The following RPTOR variants were observed in gnomAD, a reference collection of about 807,000 sequenced individuals.
RPTOR encodes the protein regulatory-associated protein of mTOR.
In RPTOR, 21 loss-of-function variants were observed where a neutral mutation model predicts 169.9. That is an observed-to-expected ratio of 0.12 (90% CI 0.09 to 0.18). The LOEUF (loss-of-function observed/expected upper bound fraction) is 0.18, where lower values mean the gene tolerates loss of function less well. Ranked by LOEUF, RPTOR falls within the 10% of genes least tolerant of loss-of-function variation. RPTOR has a pLI of 1.00. For missense variants in RPTOR, 1,133 were observed against 1,855.9 expected (o/e 0.61, Z 7.16); for synonymous variants, 732 against 753.2 (o/e 0.97, Z 0.46).
chr17:80,927,872 C>G (rs1051370445), intron 24 of RPTOR, among the ~76,000 whole-genome samples: 2 of 151,898 alleles, frequency 1.3e-5, no homozygotes, highest in Admixed American at 6.6e-5. Context: ...AATTCCCGCC[C>G]GCACGGAGGA....
intron 24 of RPTOR, among the ~76,000 whole-genome samples, chr17:80,934,660 A>G (rs2068935108): frequency 6.6e-6 from 1 of 152,172 alleles, no homozygotes; most frequent in Non-Finnish European, 1.5e-5. Flanking sequence ...AGCCAAGAAA[A>G]TGAGTTTTTA....
At chr17:80,816,723 G>T (rs1036394435) in intron 7 of RPTOR, among the ~76,000 whole-genome samples, 1 of 152,232 alleles carries the variant, frequency 6.6e-6, no homozygotes, top group Non-Finnish European at 1.5e-5. Context: ...TGGCTTGGAA[G>T]GGCGGTGAGG....
intron 31 of RPTOR, 175 bp downstream of exon 31, chr17:80,961,655 G>T: frequency 1.4e-6 from 1 of 709,968 alleles, no homozygotes; most frequent in Non-Finnish European, 2.2e-6. Context: ...GGGCCCAGGG[G>T]CCACAGCTGC....
chr17:80,866,967 G>A (rs2067999758), intron 13 of RPTOR, among the ~76,000 whole-genome samples: 1 of 152,138 alleles, frequency 6.6e-6, no homozygotes, highest in Non-Finnish European at 1.5e-5. Context: ...TGAACATTAA[G>A]GAAGACGTAT....
rs1438903576 is a variant in RPTOR at position 80,695,173 on chromosome 17, G to A, written c.349-12668G>A. On this transcript the variant is annotated intron_variant, in intron 3 of 33. Transcript: ENST00000306801. This position sits in a 1 kb window ranked among gnomAD's most constrained non-coding sequence, Gnocchi z 4.9. ...CACTGCATGGTGGTAAGAGTGAGGC[G>A]GGTAGAATGCATGTGCCCAAGACAG... 6.6e-6 allele frequency among the ~76,000 whole-genome samples: 1 copy of A among 152,154 alleles called. No homozygotes were observed. The highest frequency in any genetic ancestry group is 6.5e-5 in the Admixed American group (1 of 15,282).
intron 14 of RPTOR, among the ~76,000 whole-genome samples, chr17:80,883,091 G>A (rs1191006507): frequency 6.6e-6 from 1 of 152,214 alleles, no homozygotes; most frequent in African/African-American, 2.4e-5. Context: ...GGCAGGCTGG[G>A]GAGGTGAGGT....
chr17:80,816,394 A>G (rs2067323730), intron 7 of RPTOR, among the ~76,000 whole-genome samples: 1 of 152,206 alleles, frequency 6.6e-6, no homozygotes, highest in Non-Finnish European at 1.5e-5. Flanking sequence ...GTGAAACGCG[A>G]ATCCACAGGG....
At chr17:80,891,917 C>G in intron 18 of RPTOR, 80 bp downstream of exon 18, 1 of 940,118 alleles carries the variant, frequency 1.1e-6, no homozygotes, top group Non-Finnish European at 1.7e-6. Flanking sequence ...TCTTGCTCAC[C>G]CTCGCAGAGT....
intron 1 of RPTOR, 43 bp downstream of exon 1, chr17:80,545,834 C>A (rs1375175556): frequency 6.7e-7 from 1 of 1,493,800 alleles, no homozygotes; most frequent in South Asian, 1.3e-5. Flanking sequence ...GGTAGTTTCC[C>A]CAACAAAGAA....
At chr17:80,555,014 G>C (rs1450870731) in intron 1 of RPTOR, among the ~76,000 whole-genome samples, 1 of 152,118 alleles carries the variant, frequency 6.6e-6, no homozygotes, top group Admixed American at 6.6e-5. Context: ...GGAAAATGTT[G>C]ATAAATGAAA....
chr17:80,765,242 C>T (rs2066774411), intron 6 of RPTOR, among the ~76,000 whole-genome samples: 2 of 152,170 alleles, frequency 1.3e-5, no homozygotes, highest in Non-Finnish European at 2.9e-5. Flanking sequence ...ACACTCTTCT[C>T]ACAGATTTTC....
At chr17:80,674,209 T>C (rs1183406995) in intron 3 of RPTOR, among the ~76,000 whole-genome samples, 1 of 152,264 alleles carries the variant, frequency 6.6e-6, no homozygotes, top group Non-Finnish European at 1.5e-5. Context: ...TGTCTCAAAC[T>C]AGATCCTGTT....
At chr17:80,548,646 T>C (rs1186912123) in intron 1 of RPTOR, among the ~76,000 whole-genome samples, 2 of 152,190 alleles carry the variant, frequency 1.3e-5, no homozygotes, top group East Asian at 1.9e-4. Flanking sequence ...GTGCTGGGAT[T>C]ACAGGTGTGA....
At chr17:80,875,033 TG>T (rs1289873696) in intron 13 of RPTOR, among the ~76,000 whole-genome samples, 3 of 152,236 alleles carry the variant, frequency 2.0e-5, no homozygotes, top group African/African-American at 4.8e-5. Context: ...GCTCAGGGCT[TG>T]GCTCATCATC....
intron 31 of RPTOR, among the ~76,000 whole-genome samples, chr17:80,961,883 T>A (rs1315189268): frequency 6.6e-6 from 1 of 152,260 alleles, no homozygotes; most frequent in Non-Finnish European, 1.5e-5. Flanking sequence ...AGGGAATATT[T>A]ATTTGCCTAT....
chr17:80,824,777 T>C (rs1430046895), intron 9 of RPTOR, among the ~76,000 whole-genome samples: 1 of 152,226 alleles, frequency 6.6e-6, no homozygotes, highest in Non-Finnish European at 1.5e-5. Context: ...GTATGTTTTC[T>C]CCAGATGTAA....
rs2069324678 is a variant in RPTOR, at chr17:80,960,661, A to G, written c.3605+456A>G. ...GCAGCCCTGGGCACTGCCTCCACTG[A>G]GCACCCCTGTGGGCAGGTGCTGTCC... is the stretch of plus-strand genomic sequence containing the variant. On this transcript the variant is annotated intron_variant, in intron 30 of 33. Transcript: ENST00000306801. The surrounding 1 kb of genome is among the most constrained non-coding windows in gnomAD (Gnocchi z 4.8). 1 of 210,128 alleles carries G rather than the reference A, an allele frequency of 4.8e-6. No homozygotes were observed. Among genetic ancestry groups the G allele is most frequent in the East Asian group, 1.1e-4 (1 of 9,136 alleles). The allele number at this position is 210,128 out of a possible 1,614,324, so 13.0% of individuals were successfully genotyped here.
intron 1 of RPTOR, among the ~76,000 whole-genome samples, chr17:80,563,053 G>A (rs971944827): frequency 6.6e-6 from 1 of 152,112 alleles, no homozygotes; most frequent in Non-Finnish European, 1.5e-5. Flanking sequence ...TCTGTTGCTG[G>A]TCTGGCTTGG....
Position 80,730,768 on chromosome 17 carries a change from G to GGT in RPTOR, c.654+62_654+63insGT. ...TGGTTTTGTTTTCCCTGGGGGTGGG[G>GGT]TTTGGGTGGGGAGGTTGGGAGGTGT... On this transcript the variant is annotated intron_variant, in intron 5 of 33. Coordinates refer to ENST00000306801, the MANE Select transcript of RPTOR (RefSeq NM_020761.3). The surrounding 1 kb of genome is among the most constrained non-coding windows in gnomAD (Gnocchi z 4.2). 17 of 555,448 alleles carry GGT rather than the reference G, an allele frequency of 3.1e-5. No homozygotes were observed. Among genetic ancestry groups the GGT allele is most frequent in the East Asian group, 1.1e-4 (2 of 18,390 alleles). 34.4% of individuals were successfully genotyped at this position (555,448 alleles called of 1,614,324 possible).
Sources: gnomAD v4.1 joint callset for allele counts (sites outside exome capture counted in the v4.1 genomes callset) on GRCh38, gnomAD v4.1.1 for gene constraint, Gnocchi (gnomAD v3.1) non-coding constraint, MANE v1.5 for transcripts, NCBI Gene and HGNC (gene_info 2026-07-23, HGNC 2026-07-21) for gene names.